Variants in ATP9B observed in about 807,000 individuals in gnomAD.
ATP9B encodes ATPase phospholipid transporting 9B, also known as probable phospholipid-transporting ATPase IIB.
A neutral mutation model predicts 146.1 loss-of-function variants in ATP9B; 110 were observed. That is an observed-to-expected ratio of 0.75 (90% CI 0.65 to 0.88). The LOEUF is 0.88. ATP9B is among the 40% of genes least tolerant of loss of function. The pLI is 0.00. For missense variants in ATP9B, 1,499 were observed against 1,496.4 expected (o/e 1.00, Z -0.03); for synonymous variants, 604 against 569.7 (o/e 1.06, Z -0.86).
chr18:79,191,557 C>G (rs953720156), intron 8 of ATP9B, among the ~76,000 whole-genome samples: 3 of 152,102 alleles, frequency 2.0e-5, no homozygotes, highest in Non-Finnish European at 4.4e-5. Context: ...TCTCTTGACC[C>G]GCATTTAGAT....
chr18:79,218,918 C>T (rs890358009), intron 11 of ATP9B, among the ~76,000 whole-genome samples: 13 of 152,214 alleles, frequency 8.5e-5, no homozygotes, highest in African/African-American at 3.1e-4. Context: ...TGAGCAGCAA[C>T]AGCCACGAAC....
intron 1 of ATP9B, among the ~76,000 whole-genome samples, chr18:79,089,676 A>G (rs897246365): frequency 6.6e-6 from 1 of 152,224 alleles, no homozygotes; most frequent in Non-Finnish European, 1.5e-5. Flanking sequence ...TGCGATACAT[A>G]TGATGTTTTG....
At chr18:79,175,374 G>C (rs1327218979) in intron 7 of ATP9B, among the ~76,000 whole-genome samples, 2 of 152,056 alleles carry the variant, frequency 1.3e-5, no homozygotes, top group Non-Finnish European at 2.9e-5. Context: ...AATGTATCTG[G>C]TTTTAAAGTG....
At chr18:79,185,836 T>G (rs1257743694) in intron 8 of ATP9B, among the ~76,000 whole-genome samples, 1 of 152,208 alleles carries the variant, frequency 6.6e-6, no homozygotes, top group Non-Finnish European at 1.5e-5. Flanking sequence ...CACATCAGAC[T>G]GTGTCCATGG....
intron 2 of ATP9B, among the ~76,000 whole-genome samples, chr18:79,106,505 A>G (rs1287867511): frequency 1.4e-4 from 21 of 152,180 alleles, no homozygotes; most frequent in African/African-American, 4.8e-4. Context: ...ATCCAGGGGC[A>G]GTTCTGGTGC....
At chr18:79,107,972 AGT>A (rs2146948440) in intron 2 of ATP9B, among the ~76,000 whole-genome samples, 1 of 152,302 alleles carries the variant, frequency 6.6e-6, no homozygotes, top group South Asian at 2.1e-4. Context: ...AGTATAGTGT[AGT>A]TGCAGTTGTC....
intron 5 of ATP9B, among the ~76,000 whole-genome samples, chr18:79,127,935 C>T (rs1008144239): frequency 2.3e-4 from 35 of 151,642 alleles, no homozygotes; most frequent in African/African-American, 8.5e-4. Context: ...AGTAGTATCT[C>T]ATTGTGGTTT....
chr18:79,203,806 G>A (rs960791135), intron 9 of ATP9B, among the ~76,000 whole-genome samples: 3 of 152,158 alleles, frequency 2.0e-5, no homozygotes, highest in African/African-American at 4.8e-5. Flanking sequence ...AGGATATACC[G>A]TGTCAACCGT....
At chr18:79,277,228 T>A in intron 13 of ATP9B, 32 bp downstream of exon 13, 2 of 1,610,706 alleles carry the variant, frequency 1.2e-6, no homozygotes, top group Non-Finnish European at 1.7e-6. Flanking sequence ...CACCTTTGAA[T>A]GGACAAAATG....
chr18:79,182,579 C>G (rs1349226277), intron 8 of ATP9B, among the ~76,000 whole-genome samples: 2 of 152,192 alleles, frequency 1.3e-5, no homozygotes, highest in African/African-American at 4.8e-5. Flanking sequence ...GGCACTGTAT[C>G]TAGTGTCTGA....
chr18:79,171,382 A>C (rs2095067786), intron 7 of ATP9B, among the ~76,000 whole-genome samples: 2 of 152,252 alleles, frequency 1.3e-5, no homozygotes, highest in African/African-American at 4.8e-5. Flanking sequence ...GATACATATT[A>C]ATAGGAAAGA....
At chr18:79,157,412 A>AAC (rs1568297224) in intron 7 of ATP9B, among the ~76,000 whole-genome samples, 1 of 150,194 alleles carries the variant, frequency 6.7e-6, no homozygotes, top group East Asian at 2.0e-4. Context: ...AAAAAAAAAA[A>AAC]AAAAAAAAAA....
At chr18:79,070,604 C>A (rs985609917) in intron 1 of ATP9B, among the ~76,000 whole-genome samples, 1 of 152,072 alleles carries the variant, frequency 6.6e-6, no homozygotes, top group Non-Finnish European at 1.5e-5. Context: ...TTTAGGAGTT[C>A]TTTAGTTGGA....
chr18:79,146,924 A>G (rs1228200130), intron 6 of ATP9B: 2 of 152,298 alleles, frequency 1.3e-5, no homozygotes, highest in Non-Finnish European at 2.9e-5. Flanking sequence ...TGGATAAAAA[A>G]CAAAAAAACC....
Position 79,297,789 on chromosome 18 carries a change from G to A in ATP9B, c.1412-5815G>A, listed in dbSNP as rs751549063. On this transcript the variant is annotated intron_variant, in intron 13 of 29. Coordinates refer to ENST00000426216, the MANE Select transcript of ATP9B (RefSeq NM_198531.5). ...CGCCTTGATAAGACTCTACACTGTC[G>A]TGTAATAATTGTATCTAATGCTGGC... Among the ~76,000 whole-genome samples the A allele has an allele frequency of 1.2e-4, 14 of 112,908 alleles. 3 individuals carry two copies. The highest frequency in any genetic ancestry group is 2.4e-4 in the Non-Finnish European group (12 of 50,134). The allele number at this position is 112,908 out of a possible 152,430, so 74.1% of individuals were successfully genotyped here. A position where few individuals can be genotyped will look rare whatever the true frequency, so the allele number is the denominator to read the frequency against.
chr18:79,183,483 T>C (rs2095272468), intron 8 of ATP9B, among the ~76,000 whole-genome samples: 1 of 152,166 alleles, frequency 6.6e-6, no homozygotes, highest in Non-Finnish European at 1.5e-5. Flanking sequence ...TAAGAAAATG[T>C]ATTTCTCATA....
At chr18:79,344,404 A>G (rs2096874880) in intron 21 of ATP9B, 50 bp downstream of exon 21, 2 of 1,551,370 alleles carry the variant, frequency 1.3e-6, no homozygotes, top group East Asian at 4.5e-5. Flanking sequence ...CTCTGAGGCA[A>G]GGCTGGTCCC....
At chr18:79,165,824 G>A (rs866793407) in intron 7 of ATP9B, among the ~76,000 whole-genome samples, 3 of 152,114 alleles carry the variant, frequency 2.0e-5, no homozygotes, top group Admixed American at 2.0e-4. Context: ...TCATGTTGCC[G>A]AAGCCCAATT....
chr18:79,225,974 C>A (rs1300374496), intron 11 of ATP9B, among the ~76,000 whole-genome samples: 2 of 152,198 alleles, frequency 1.3e-5, no homozygotes, highest in African/African-American at 4.8e-5. Context: ...ATTCTTGGCT[C>A]CCCCATTGTC....
Sources: allele counts gnomAD v4.1 joint callset (sites outside exome capture counted in the v4.1 genomes callset), GRCh38; gene constraint gnomAD v4.1.1; transcripts MANE v1.5; gene names NCBI Gene and HGNC (gene_info 2026-07-23, HGNC 2026-07-21).